The following NPAS2 variants were observed in gnomAD, a reference collection of about 807,000 sequenced individuals.
NPAS2 encodes neuronal PAS domain protein 2.
In NPAS2, 23 loss-of-function variants were observed where a neutral mutation model predicts 107.5. The observed-to-expected ratio is 0.21, with a 90% CI of 0.15 to 0.30. The LOEUF (loss-of-function observed/expected upper bound fraction) is 0.30, where lower values mean the gene tolerates loss of function less well. Among genes scored for constraint, NPAS2 ranks in the 10% least tolerant of loss-of-function variants. The pLI, the probability that NPAS2 is intolerant of heterozygous loss-of-function variation, is 1.00. For synonymous variants in NPAS2, 403 were observed against 417.5 expected (o/e 0.97, Z 0.42); for missense variants, 756 against 1,043.3 (o/e 0.72, Z 3.79).
At chr2:100,868,863 A>G (rs1679396918) in intron 1 of NPAS2, among the ~76,000 whole-genome samples, 2 of 152,144 alleles carry the variant, frequency 1.3e-5, no homozygotes, top group African/African-American at 4.8e-5. Flanking sequence ...CATTTTCTAA[A>G]AATAATCCCT....
chr2:100,869,630 C>T (rs1290640441), intron 1 of NPAS2, among the ~76,000 whole-genome samples: 2 of 152,192 alleles, frequency 1.3e-5, no homozygotes, highest in Admixed American at 6.5e-5. Context: ...ATGTTCCCTT[C>T]CTGTCCCTTC....
intron 1 of NPAS2, among the ~76,000 whole-genome samples, chr2:100,828,317 A>G (rs1352600099): frequency 6.6e-6 from 1 of 152,098 alleles, no homozygotes. Flanking sequence ...CCTTTGTTGA[A>G]TGAATAGTTT....
intron 1 of NPAS2, among the ~76,000 whole-genome samples, chr2:100,877,462 A>G (rs1206991723): frequency 6.8e-6 from 1 of 148,118 alleles, no homozygotes; most frequent in Non-Finnish European, 1.5e-5. Context: ...AAAAAAAAAA[A>G]AAAAAGAAAT....
intron 2 of NPAS2, among the ~76,000 whole-genome samples, chr2:100,919,668 T>C (rs1683102952): frequency 6.6e-6 from 1 of 152,204 alleles, no homozygotes; most frequent in Non-Finnish European, 1.5e-5. Flanking sequence ...TTGCTTGGCC[T>C]ACCATTCACG....
intron 1 of NPAS2, among the ~76,000 whole-genome samples, chr2:100,827,822 A>G (rs577344564): frequency 3.9e-5 from 6 of 152,270 alleles, no homozygotes; most frequent in Admixed American, 1.3e-4. Context: ...TGTCCAGTAG[A>G]CATGGACATG....
In NPAS2 at chr2:100,946,058, A is replaced by G. The variant is rs202108019; in HGVS notation, c.364-2177A>G. On this transcript the variant is annotated intron_variant, in intron 5 of 20. Coordinates refer to ENST00000335681, the MANE Select transcript of NPAS2 (RefSeq NM_002518.4). ...TGCTCAACTCAGCACATAGCTGTAC[A>G]GGAAAACGTTACTGTGGTGCAGGTG... Among the ~76,000 whole-genome samples, 125 of 152,344 alleles carry G rather than the reference A, an allele frequency of 8.2e-4. 3 individuals carry two copies. Among genetic ancestry groups the G allele is most frequent in the East Asian group, 4.1e-3 (21 of 5,184 alleles).
intron 2 of NPAS2, among the ~76,000 whole-genome samples, chr2:100,912,612 G>A (rs904314032): frequency 2.6e-5 from 4 of 152,178 alleles, no homozygotes; most frequent in African/African-American, 4.8e-5. Context: ...CTGAAGACAC[G>A]CTCACTCCCA....
intron 4 of NPAS2, chr2:100,934,795 G>A: frequency 6.1e-6 from 6 of 985,410 alleles, no homozygotes; most frequent in Non-Finnish European, 7.2e-6. Context: ...TGTCACCATT[G>A]TCCAGTGCAA....
intron 1 of NPAS2, among the ~76,000 whole-genome samples, chr2:100,827,943 T>C (rs1281417577): frequency 6.6e-6 from 1 of 152,242 alleles, no homozygotes; most frequent in Non-Finnish European, 1.5e-5. Flanking sequence ...AGTAGTGGGA[T>C]GGCTGGGTCA....
At chr2:100,871,062 C>T (rs1679550756) in intron 1 of NPAS2, among the ~76,000 whole-genome samples, 1 of 152,202 alleles carries the variant, frequency 6.6e-6, no homozygotes, top group African/African-American at 2.4e-5. Context: ...CAACCTGTTG[C>T]CTTCTCTTCA....
At chr2:100,864,401 C>T (rs552713663) in intron 1 of NPAS2, among the ~76,000 whole-genome samples, 6 of 152,110 alleles carry the variant, frequency 3.9e-5, no homozygotes, top group Non-Finnish European at 5.9e-5. Flanking sequence ...TAATAATATT[C>T]GGATATAAAT....
intron 1 of NPAS2, chr2:100,822,804 T>G (rs535903494): frequency 1.3e-5 from 2 of 152,250 alleles, no homozygotes; most frequent in African/African-American, 4.8e-5. Context: ...CCAAGAGAGG[T>G]CAGATTTCGA....
chr2:100,876,855 T>G (rs1680002049), intron 1 of NPAS2, among the ~76,000 whole-genome samples: 1 of 152,180 alleles, frequency 6.6e-6, no homozygotes, highest in African/African-American at 2.4e-5. Flanking sequence ...ACGTCTGCCC[T>G]TAAGCACTCA....
chr2:100,968,211 A>T lies in NPAS2; in HGVS notation c.908-70A>T. On this transcript the variant is annotated intron_variant, in intron 10 of 20. Transcript: ENST00000335681. The surrounding 1 kb of genome is among the most constrained non-coding windows in gnomAD (Gnocchi z 5.3). ...TTTTTTTTGAAAGCTTATCTTTACA[A>T]TAACTCTTGGGGAAAAGATCATTTT... The T allele has an allele frequency of 6.6e-7, 1 of 1,514,130 alleles. No homozygotes were observed. Among genetic ancestry groups the T allele is most frequent in the Non-Finnish European group, 9.1e-7 (1 of 1,098,898 alleles). The allele number at this position is 1,514,130 out of a possible 1,614,324, so 93.8% of individuals were successfully genotyped here. A position where few individuals can be genotyped will look rare whatever the true frequency, so the allele number is the denominator to read the frequency against.
At chr2:100,961,469 A>G (rs1675910835) in intron 7 of NPAS2, among the ~76,000 whole-genome samples, 1 of 151,940 alleles carries the variant, frequency 6.6e-6, no homozygotes, top group South Asian at 2.1e-4. Flanking sequence ...GGAAAGGCAT[A>G]TTGAAGAGAG....
At chr2:100,851,519 C>G (rs138746001) in intron 1 of NPAS2, among the ~76,000 whole-genome samples, 1 of 152,128 alleles carries the variant, frequency 6.6e-6, no homozygotes, top group Admixed American at 6.5e-5. Context: ...TACTAACCAG[C>G]GTTGTTCATG....
chr2:100,939,976 C>A (rs1487300848), intron 5 of NPAS2, among the ~76,000 whole-genome samples: 1 of 152,220 alleles, frequency 6.6e-6, no homozygotes, highest in East Asian at 1.9e-4. Flanking sequence ...CAGACACATA[C>A]AGTGAGTCAG....
chr2:100,894,681 T>A (rs961613579), intron 1 of NPAS2, among the ~76,000 whole-genome samples: 1 of 151,992 alleles, frequency 6.6e-6, no homozygotes, highest in Non-Finnish European at 1.5e-5. Flanking sequence ...AATGGACCAG[T>A]CCAGGGAGAG....
intron 7 of NPAS2, among the ~76,000 whole-genome samples, chr2:100,959,828 G>A (rs917031444): frequency 2.6e-5 from 4 of 152,176 alleles, no homozygotes; most frequent in Admixed American, 2.0e-4. Flanking sequence ...TAAGCAGGTC[G>A]TCTCTGATGA....
Sources: gnomAD v4.1 joint callset for allele counts (sites outside exome capture counted in the v4.1 genomes callset) on GRCh38, gnomAD v4.1.1 for gene constraint, Gnocchi (gnomAD v3.1) non-coding constraint, MANE v1.5 for transcripts, NCBI Gene and HGNC (gene_info 2026-07-23, HGNC 2026-07-21) for gene names.